Variants in PEX7 observed in about 807,000 individuals in gnomAD.
PEX7 encodes PTS2 receptor.
Under a neutral mutation model 47.5 loss-of-function variants are expected in PEX7, and 34 were observed. That is an observed-to-expected ratio of 0.72 (90% CI 0.54 to 0.95). The LOEUF is 0.95. Ranked by LOEUF, PEX7 falls within the 40% of genes least tolerant of loss-of-function variation. The probability of loss-of-function intolerance (pLI) is 0.00; values close to 1 mark genes in which losing one functional copy is unlikely to be tolerated. For synonymous variants in PEX7, 141 were observed against 148.8 expected (o/e 0.95, Z 0.38); for missense variants, 394 against 400.3 (o/e 0.98, Z 0.13).
intron 3 of PEX7, among the ~76,000 whole-genome samples, chr6:136,833,840 T>C (rs1447091862): frequency 6.6e-6 from 1 of 152,216 alleles, no homozygotes; most frequent in Non-Finnish European, 1.5e-5. Context: ...TATTTTAAAG[T>C]TTAGACTTGT....
In PEX7 at chr6:136,866,640, G is replaced by C. The variant is rs1775077209; in HGVS notation, c.540G>C (p.Leu180=). 6.2e-7 allele frequency: 1 copy of C among 1,613,844 alleles called. No homozygotes were observed. Among genetic ancestry groups the C allele is most frequent in the African/African-American group, 1.3e-5 (1 of 74,920 alleles). Residue 180 remains leucine (L), a synonymous_variant, in exon 6 of 10, where the codon CTG becomes CTC. Transcript: ENST00000318471. The stretch of plus-strand genomic sequence containing the variant: ...CCTTTTTACTAGGTGATCAGACTCT[G>C]AGAATATGGGATGTGAAGGCAGCAG... ...CFASASGDQT[L]RIWDVKAAGV...
At chr6:136,845,879 T>TTA (rs1349162931) in intron 4 of PEX7, among the ~76,000 whole-genome samples, 187 bp downstream of exon 4, 2 of 152,204 alleles carry the variant, frequency 1.3e-5, no homozygotes, top group Non-Finnish European at 2.9e-5. Context: ...GAACTAATAG[T>TTA]TAGCTCAGCA....
At chr6:136,866,496 T>G in intron 5 of PEX7, 131 bp from the exon 6 acceptor site, 1 of 746,222 alleles carries the variant, frequency 1.3e-6, no homozygotes, top group Middle Eastern at 2.3e-4. Context: ...GTTTAAAAAA[T>G]AAGTCTGAAG....
chr6:136,862,530 C>G (rs1053490464), intron 5 of PEX7, among the ~76,000 whole-genome samples: 5 of 152,078 alleles, frequency 3.3e-5, no homozygotes, highest in African/African-American at 9.7e-5. Context: ...TGTGTGCCAC[C>G]ATGCCTGGCT....
intron 8 of PEX7, among the ~76,000 whole-genome samples, chr6:136,879,937 C>T (rs2115244432): frequency 6.6e-6 from 1 of 152,088 alleles, no homozygotes; most frequent in Admixed American, 6.6e-5. Context: ...AATGATTTTG[C>T]CTTTTTTCTT....
chr6:136,865,478 T>G (rs1582756874), intron 5 of PEX7, among the ~76,000 whole-genome samples: 1 of 152,100 alleles, frequency 6.6e-6, no homozygotes, highest in East Asian at 1.9e-4. Flanking sequence ...ATTTTTTGTT[T>G]AGTAGAGATA....
intron 5 of PEX7, among the ~76,000 whole-genome samples, chr6:136,850,510 C>A (rs1193284219): frequency 1.3e-5 from 2 of 152,128 alleles, no homozygotes; most frequent in Non-Finnish European, 1.5e-5. Flanking sequence ...TTATTCCTTT[C>A]CATGTTTAGG....
At chr6:136,842,687 A>G (rs1774522704) in intron 3 of PEX7, among the ~76,000 whole-genome samples, 1 of 152,222 alleles carries the variant, frequency 6.6e-6, no homozygotes, top group Admixed American at 6.5e-5. Context: ...TGCCTATTTT[A>G]CTGTGATGAA....
intron 8 of PEX7, among the ~76,000 whole-genome samples, chr6:136,896,741 AT>A (rs1407421970): frequency 6.6e-6 from 1 of 152,146 alleles, no homozygotes; most frequent in Non-Finnish European, 1.5e-5. Flanking sequence ...CATTTTGAGT[AT>A]TTTTTGGAAC....
intron 5 of PEX7, among the ~76,000 whole-genome samples, chr6:136,857,776 A>G (rs1407534053): frequency 7.9e-5 from 12 of 152,328 alleles, no homozygotes; most frequent in Non-Finnish European, 1.0e-4. Context: ...TAATGTGCAT[A>G]AAGGGCTTAG....
intron 6 of PEX7, among the ~76,000 whole-genome samples, chr6:136,867,053 T>C (rs969746632): frequency 6.6e-6 from 1 of 152,232 alleles, no homozygotes; most frequent in Non-Finnish European, 1.5e-5. Flanking sequence ...CATCTTTTGC[T>C]TTTATTTCTT....
intron 8 of PEX7, among the ~76,000 whole-genome samples, chr6:136,897,470 C>T (rs1268629482): frequency 6.6e-6 from 1 of 152,180 alleles, no homozygotes; most frequent in Non-Finnish European, 1.5e-5. Context: ...AATATTACCA[C>T]TTTCAGTCTA....
rs528270399 is a variant in PEX7, at chr6:136,913,899, GATAA to G, written c.*379_*382del. 1,093 of 207,098 alleles carry G rather than the reference GATAA, an allele frequency of 5.3e-3. 12 individuals carry two copies. The highest frequency in any genetic ancestry group is 0.024 in the African/African-American group (1,033 of 42,190). The allele number at this position is 207,098 out of a possible 1,614,324, so 12.8% of individuals were successfully genotyped here. Reference sequence around the variant, plus strand: ...TGATGTAAAATATAATCACTGCTGTGATAAATAAACTATCTATTGATCATTTATC... The same window carrying G: ...TGATGTAAAATATAATCACTGCTGTGATAAACTATCTATTGATCATTTATC... On this transcript the variant is annotated 3_prime_UTR_variant, in exon 10 of 10. Transcript: ENST00000318471.
At chr6:136,836,818 T>C (rs1774393597) in intron 3 of PEX7, among the ~76,000 whole-genome samples, 3 of 152,044 alleles carry the variant, frequency 2.0e-5, no homozygotes, top group Non-Finnish European at 2.9e-5. Flanking sequence ...CCGGGTGTGG[T>C]GGTGAACATC....
At chr6:136,844,343 C>G (rs1314207084) in intron 3 of PEX7, among the ~76,000 whole-genome samples, 4 of 151,866 alleles carry the variant, frequency 2.6e-5, no homozygotes, top group Non-Finnish European at 4.4e-5. Context: ...TGCACTCCAG[C>G]CTGGGCGACT....
chr6:136,865,739 C>T (rs1317885441), intron 5 of PEX7, among the ~76,000 whole-genome samples: 1 of 152,178 alleles, frequency 6.6e-6, no homozygotes, highest in African/African-American at 2.4e-5. Flanking sequence ...GACCGTGCCT[C>T]CGCACTCCAG....
chr6:136,868,618 A>T (rs1350994495), intron 6 of PEX7, among the ~76,000 whole-genome samples: 1 of 152,092 alleles, frequency 6.6e-6, no homozygotes, highest in Admixed American at 6.5e-5. Context: ...TTATTTTCTA[A>T]TAACTGAAAC....
intron 3 of PEX7, among the ~76,000 whole-genome samples, chr6:136,839,420 A>G (rs566606918): frequency 3.3e-4 from 50 of 152,312 alleles, no homozygotes; most frequent in Admixed American, 2.2e-3. Context: ...TTCAGTAATA[A>G]AATTTGTCCT....
intron 5 of PEX7, among the ~76,000 whole-genome samples, chr6:136,864,721 G>A (rs1319910640): frequency 2.0e-5 from 3 of 152,112 alleles, no homozygotes; most frequent in South Asian, 2.1e-4. Flanking sequence ...TTTATATACC[G>A]TATTTGGCAG....
Sources: gnomAD v4.1 joint callset for allele counts (sites outside exome capture counted in the v4.1 genomes callset) on GRCh38, gnomAD v4.1.1 for gene constraint, MANE v1.5 for transcripts, NCBI Gene and HGNC (gene_info 2026-07-23, HGNC 2026-07-21) for gene names.